ALMS1: variants seen among roughly 807,000 people sequenced by gnomAD.
The protein encoded by ALMS1 is ALMS1 centrosome and basal body associated protein, also known as centrosome-associated protein ALMS1.
In ALMS1, 271 loss-of-function variants were observed where a neutral mutation model predicts 352.2. The observed-to-expected ratio is 0.77, with a 90% CI of 0.70 to 0.85. The LOEUF (loss-of-function observed/expected upper bound fraction) is 0.85, where lower values mean the gene tolerates loss of function less well. ALMS1 is among the 40% of genes least tolerant of loss of function. The probability of loss-of-function intolerance (pLI) is 0.00; values close to 1 mark genes in which losing one functional copy is unlikely to be tolerated. For synonymous variants in ALMS1, 1,865 were observed against 1,761.2 expected (o/e 1.06, Z -1.48); for missense variants, 5,445 against 4,870.7 (o/e 1.12, Z -3.51).
rs1014759835 is a variant in ALMS1, at chr2:73,452,982, A to G, written c.6455A>G (p.Tyr2152Cys). 3.1e-6 allele frequency: 5 copies of G among 1,612,414 alleles called. No homozygotes were observed. Among genetic ancestry groups the G allele is most frequent in the Admixed American group, 1.7e-5 (1 of 59,906 alleles). The change falls in exon 8 of 23, where the codon TAT becomes TGT. Residue 2152 changes from tyrosine to cysteine, a missense_variant. By Grantham distance (194) the Tyr-to-Cys change is radical. Coordinates refer to ENST00000613296, the MANE Select transcript of ALMS1 (RefSeq NM_001378454.1). ...FSHREKPDIF[Y>C]QKDLPDRHLT... ...CATCGAGAGAAACCAGATATTTTCT[A>G]TCAAAAGGATTTGCCAGATAGACAT...
At chr2:73,587,459 C>T (rs919110830) in intron 16 of ALMS1, among the ~76,000 whole-genome samples, 20 of 152,026 alleles carry the variant, frequency 1.3e-4, no homozygotes, top group East Asian at 5.8e-4. Flanking sequence ...CTTTCTATGC[C>T]GATTTTGCTG....
At chr2:73,476,357 A>C (rs1672582775) in intron 9 of ALMS1, among the ~76,000 whole-genome samples, 1 of 152,066 alleles carries the variant, frequency 6.6e-6, no homozygotes, top group Non-Finnish European at 1.5e-5. Flanking sequence ...TGCTGTGAAC[A>C]TGCTTGTTAT....
At chr2:73,390,007 G>C (rs1306075429) in intron 1 of ALMS1, among the ~76,000 whole-genome samples, 1 of 152,034 alleles carries the variant, frequency 6.6e-6, no homozygotes, top group African/African-American at 2.4e-5. Context: ...AACTATCTAT[G>C]GGTAATAGAA....
At chr2:73,563,644 AC>A (rs1357541173) in intron 15 of ALMS1, among the ~76,000 whole-genome samples, 2 of 146,434 alleles carry the variant, frequency 1.4e-5, no homozygotes, top group Non-Finnish European at 3.0e-5. Flanking sequence ...AATGGCATGA[AC>A]CTGGGCGGCA....
chr2:73,463,507 C>G (rs1364355533), intron 9 of ALMS1, among the ~76,000 whole-genome samples: 3 of 138,748 alleles, frequency 2.2e-5, no homozygotes, highest in Non-Finnish European at 4.6e-5. Flanking sequence ...CAGGAAAGAT[C>G]CAAAATTGAC....
intron 12 of ALMS1, among the ~76,000 whole-genome samples, chr2:73,538,310 A>G (rs72811940): frequency 7.3e-4 from 111 of 152,242 alleles, no homozygotes; most frequent in Non-Finnish European, 1.3e-3. Flanking sequence ...AATCTTCTCT[A>G]TATCATTAAT....
chr2:73,455,969 T>A (rs923379131), intron 9 of ALMS1, among the ~76,000 whole-genome samples: 2 of 152,222 alleles, frequency 1.3e-5, no homozygotes, highest in African/African-American at 4.8e-5. Flanking sequence ...ATAGCTTATG[T>A]ATAAATGGCT....
chr2:73,400,340 T>G (rs1670850256), intron 1 of ALMS1, among the ~76,000 whole-genome samples: 1 of 152,250 alleles, frequency 6.6e-6, no homozygotes, highest in South Asian at 2.1e-4. Context: ...TAAATTTGAT[T>G]TGCTAATATT....
At position 73,489,799 on chromosome 2, in the gene ALMS1, A is replaced by G. The variant is rs769890820; in HGVS notation, c.7840A>G (p.Arg2614Gly). 53 of 1,614,072 alleles carry G rather than the reference A, an allele frequency of 3.3e-5. No homozygotes were observed. Among genetic ancestry groups the G allele is most frequent in the Non-Finnish European group, 4.5e-5 (53 of 1,180,034 alleles). Residue 2614 changes from arginine (R) to glycine (G), a missense_variant, in exon 10 of 23, where the codon AGA (arginine) becomes GGA (glycine). By Grantham distance (125) the Arg-to-Gly change is moderately radical. Transcript: ENST00000613296. ...FRSAGPSEMTRGRQNPSSCRA... is the reference protein window; with the variant it reads ...FRSAGPSEMTGGRQNPSSCRA... The stretch of plus-strand genomic sequence containing the variant: ...ATCTGCTGGACCCTCAGAAATGACC[A>G]GAGGACGGCAGAACCCATCATCATG...
intron 10 of ALMS1, among the ~76,000 whole-genome samples, chr2:73,516,916 G>T (rs981738040): frequency 1.3e-5 from 2 of 151,914 alleles, no homozygotes; most frequent in Admixed American, 1.3e-4. Flanking sequence ...ACAACATTTG[G>T]CAAATGTTTT....
rs374208636 is a variant in ALMS1 at position 73,557,940 on chromosome 2, G to A, written c.10213+586G>A. Among the ~76,000 whole-genome samples, 28 of 152,250 alleles carry A rather than the reference G, an allele frequency of 1.8e-4. No individual in the cohort carries two copies. The South Asian group carries it at 3.5e-3, about 19-fold the overall frequency. ...AGTTGACCTGGTACTCCAGAGTATCGGAACAAAGCTGTTGCTCTCTTGTTA... is the reference window on the plus strand; with the variant it reads ...AGTTGACCTGGTACTCCAGAGTATCAGAACAAAGCTGTTGCTCTCTTGTTA... On this transcript the variant is annotated intron_variant, in intron 14 of 22. Transcript: ENST00000613296.
chr2:73,540,970 G>A (rs1427542382), intron 12 of ALMS1, among the ~76,000 whole-genome samples: 1 of 152,216 alleles, frequency 6.6e-6, no homozygotes, highest in Non-Finnish European at 1.5e-5. Context: ...CAATGAGACA[G>A]AAAGTTAACA....
rs754739037 is a variant in ALMS1, at chr2:73,448,652, G to A, written c.2125G>A (p.Ala709Thr). The change falls in exon 8 of 23, where the codon GCA becomes ACA. Residue 709 changes from alanine to threonine, a missense_variant. Coordinates refer to ENST00000613296, the MANE Select transcript of ALMS1 (RefSeq NM_001378454.1). ...SGPADQKTGTATVLSTPHSHR... is the reference protein window; with the variant it reads ...SGPADQKTGTTTVLSTPHSHR... ...ACCAGCTGACCAGAAGACTGGGACA[G>A]CAACAGTACTCTCTACTCCCCACTC... The A allele has an allele frequency of 1.2e-6, 2 of 1,609,478 alleles. No homozygotes were observed. Among genetic ancestry groups the A allele is most frequent in the East Asian group, 2.2e-5 (1 of 44,566 alleles).
chr2:73,428,157 A>G (rs560041859), intron 6 of ALMS1, among the ~76,000 whole-genome samples: 7 of 152,288 alleles, frequency 4.6e-5, no homozygotes, highest in Admixed American at 4.6e-4. Flanking sequence ...TTTGTGCTCA[A>G]GTACTGTGCT....
rs775286973 is a variant in ALMS1 at position 73,448,361 on chromosome 2, A to C, written c.1834A>C (p.Thr612Pro). 10 of 1,613,948 alleles carry C rather than the reference A, an allele frequency of 6.2e-6. No individual in the cohort carries two copies. In the African/African-American group the frequency reaches 1.2e-4, roughly 19 times the overall value. The change falls in exon 8 of 23, where the codon ACT becomes CCT. Residue 612 changes from threonine (T) to proline (P), a missense_variant. By Grantham distance (38) the Thr-to-Pro change is conservative (BLOSUM62 -1). Transcript: ENST00000613296. ...SAAPGLADQT[T>P]GMSTLTSTSY... is the part of the protein sequence containing the mutation. ...TGCTCCTGGACTAGCTGACCAGACA[A>C]CTGGCATGTCAACTCTAACCTCTAC...
chr2:73,388,967 G>C (rs1457623112), intron 1 of ALMS1, among the ~76,000 whole-genome samples: 2 of 152,100 alleles, frequency 1.3e-5, no homozygotes, highest in African/African-American at 4.8e-5. Context: ...CCCAGTAGTA[G>C]GATTGCTGGG....
intron 21 of ALMS1, 49 bp from the exon 22 acceptor site, chr2:73,608,426 C>T (rs759194676): frequency 1.4e-6 from 2 of 1,463,782 alleles, no homozygotes; most frequent in East Asian, 2.3e-5. Context: ...TGACTCTGCA[C>T]CCTGGTAACC....
chr2:73,497,755 G>GT (rs1673139271), intron 10 of ALMS1, among the ~76,000 whole-genome samples: 1 of 152,122 alleles, frequency 6.6e-6, no homozygotes, highest in Non-Finnish European at 1.5e-5. Flanking sequence ...ATTCCGTGGT[G>GT]TATATATACC....
chr2:73,603,092 C>CAG (rs1361301372), intron 20 of ALMS1, 149 bp from the exon 21 acceptor site: 1 of 731,844 alleles, frequency 1.4e-6, no homozygotes, highest in African/African-American at 1.7e-5. Context: ...CCTAGTCTTA[C>CAG]ACTGGCTTGC....
Sources: gnomAD v4.1 joint callset for allele counts (sites outside exome capture counted in the v4.1 genomes callset) on GRCh38, gnomAD v4.1.1 for gene constraint, MANE v1.5 for transcripts, NCBI Gene and HGNC (gene_info 2026-07-23, HGNC 2026-07-21) for gene names.